Variants in HPCAL1 observed in about 807,000 individuals in gnomAD.
HPCAL1 encodes hippocalcin-like protein 1.
In HPCAL1, 8 loss-of-function variants were observed where a neutral mutation model predicts 17.1. The observed-to-expected ratio is 0.47, with a 90% CI of 0.27 to 0.84. HPCAL1 has a LOEUF of 0.84. Among genes scored for constraint, HPCAL1 ranks in the 40% least tolerant of loss-of-function variants. The pLI is 0.13. For missense variants in HPCAL1, 165 were observed against 271.1 expected (o/e 0.61, Z 2.75); for synonymous variants, 112 against 111.4 (o/e 1.01, Z -0.03).
At chr2:10,422,342 C>T (rs1244008460) in intron 3 of HPCAL1, among the ~76,000 whole-genome samples, 2 of 152,240 alleles carry the variant, frequency 1.3e-5, no homozygotes, top group African/African-American at 4.8e-5. Context: ...CCACGCATGT[C>T]ACTCTGCTCA....
intron 1 of HPCAL1, among the ~76,000 whole-genome samples, chr2:10,326,668 T>C (rs1664036720): frequency 6.6e-6 from 1 of 152,192 alleles, no homozygotes; most frequent in African/African-American, 2.4e-5. Context: ...GCTGAGCCCC[T>C]TGCATGAGGA....
chr2:10,335,710 A>G (rs576182797), intron 1 of HPCAL1, among the ~76,000 whole-genome samples: 4 of 152,198 alleles, frequency 2.6e-5, no homozygotes, highest in Admixed American at 6.5e-5. Flanking sequence ...TTCATCTCCA[A>G]GGCATTTGTG....
At chr2:10,340,069 A>G (rs766777894) in intron 1 of HPCAL1, among the ~76,000 whole-genome samples, 5 of 152,148 alleles carry the variant, frequency 3.3e-5, no homozygotes, top group Non-Finnish European at 7.4e-5. Flanking sequence ...CTTGCTTCTC[A>G]TAGTATGAGC....
intron 1 of HPCAL1, among the ~76,000 whole-genome samples, chr2:10,333,067 C>T (rs1306117573): frequency 6.6e-6 from 1 of 151,830 alleles, no homozygotes; most frequent in African/African-American, 2.4e-5. Flanking sequence ...CCTGCCTGAG[C>T]CCCATGACGC....
chr2:10,370,848 G>A (rs1667160844), intron 1 of HPCAL1, among the ~76,000 whole-genome samples: 2 of 152,204 alleles, frequency 1.3e-5, no homozygotes, highest in Admixed American at 6.5e-5. Context: ...ACCAGGTTTT[G>A]GCTATCCTTC....
chr2:10,312,018 C>T (rs373815112), intron 1 of HPCAL1, among the ~76,000 whole-genome samples: 2 of 151,556 alleles, frequency 1.3e-5, no homozygotes, highest in Non-Finnish European at 2.9e-5. Flanking sequence ...TCACTGTTAT[C>T]GTCACCATTC....
chr2:10,329,904 C>T (rs1254825529), intron 1 of HPCAL1, among the ~76,000 whole-genome samples: 1 of 152,214 alleles, frequency 6.6e-6, no homozygotes, highest in East Asian at 1.9e-4. Context: ...AGCTCCAGGC[C>T]CTGCCTGACT....
At position 10,323,365 on chromosome 2, in the gene HPCAL1, C is replaced by T. The variant is rs371828225; in HGVS notation, c.-111+20188C>T. Among the ~76,000 whole-genome samples, 32 of 152,362 alleles carry T rather than the reference C, an allele frequency of 2.1e-4. No homozygotes were observed. In the South Asian group the frequency reaches 4.8e-3, roughly 23 times the overall value. ...TTCAGGGGGAATGGCGTAAAAAAGCCTTCCTTTCCAGTAGACAGAGTGCCC... is the reference window on the plus strand; with the variant it reads ...TTCAGGGGGAATGGCGTAAAAAAGCTTTCCTTTCCAGTAGACAGAGTGCCC... On this transcript the variant is annotated intron_variant, in intron 1 of 4. Coordinates refer to ENST00000307845, the MANE Select transcript of HPCAL1 (RefSeq NM_002149.4). The surrounding 1 kb of genome is among the most constrained non-coding windows in gnomAD (Gnocchi z 4.6).
At chr2:10,399,208 GCACCACCACCACCACCACCAC>G (rs113515977) in intron 2 of HPCAL1, among the ~76,000 whole-genome samples, 1 of 5,098 alleles carries the variant, frequency 2.0e-4, no homozygotes, top group East Asian at 4.6e-3. Flanking sequence ...TAATATCACT[GCACCACCACCACCACCACCAC>G]CACCACCACC....
intron 2 of HPCAL1, among the ~76,000 whole-genome samples, chr2:10,416,181 A>G (rs62130191): frequency 0.28 from 42,341 of 152,134 alleles, 7,517 homozygotes; most frequent in African/African-American, 0.51. Flanking sequence ...CTTTGCAAAT[A>G]GGTCCTTGCA....
intron 1 of HPCAL1, among the ~76,000 whole-genome samples, chr2:10,390,785 A>C (rs548558472): frequency 6.6e-6 from 1 of 152,136 alleles, no homozygotes. Context: ...CCGGCCTGGG[A>C]CTGGGCCAAG....
At chr2:10,357,850 C>A (rs1410414238) in intron 1 of HPCAL1, among the ~76,000 whole-genome samples, 2 of 144,464 alleles carry the variant, frequency 1.4e-5, no homozygotes, top group Non-Finnish European at 3.0e-5. Flanking sequence ...AAAAAAAAAG[C>A]GTGCTATGCC....
intron 1 of HPCAL1, among the ~76,000 whole-genome samples, chr2:10,392,043 A>G (rs1668729564): frequency 6.7e-6 from 1 of 149,146 alleles, no homozygotes; most frequent in Non-Finnish European, 1.5e-5. Flanking sequence ...CCACTATGCC[A>G]GGCTGTTGTT....
chr2:10,361,260 CAGAGAGAG>C (rs34257751), intron 1 of HPCAL1, among the ~76,000 whole-genome samples: 31 of 146,494 alleles, frequency 2.1e-4, no homozygotes, highest in Non-Finnish European at 3.9e-4. Flanking sequence ...GGGTGGATCC[CAGAGAGAG>C]AGAGAGAGAG....
In HPCAL1 at chr2:10,344,091, C is replaced by G. The variant is rs972278983; in HGVS notation, c.-111+40914C>G. Among the ~76,000 whole-genome samples the G allele has an allele frequency of 1.3e-5, 2 of 152,156 alleles. No individual in the cohort carries two copies. Among genetic ancestry groups the G allele is most frequent in the Admixed American group, 1.3e-4 (2 of 15,278 alleles). ...GAAGACTCCCTTATTAAAAACTAAACAAAACACAACACGAAAAAGCCAGAA... is the reference window on the plus strand; with the variant it reads ...GAAGACTCCCTTATTAAAAACTAAAGAAAACACAACACGAAAAAGCCAGAA... On this transcript the variant is annotated intron_variant, in intron 1 of 4. Coordinates refer to ENST00000307845, the MANE Select transcript of HPCAL1 (RefSeq NM_002149.4). This position sits in a 1 kb window ranked among gnomAD's most constrained non-coding sequence, Gnocchi z 4.9.
intron 1 of HPCAL1, among the ~76,000 whole-genome samples, chr2:10,348,657 C>T (rs1572693281): frequency 6.6e-6 from 1 of 151,166 alleles, no homozygotes; most frequent in African/African-American, 2.4e-5. Flanking sequence ...TGTGCATCTA[C>T]AGTCCCAGCT....
intron 2 of HPCAL1, among the ~76,000 whole-genome samples, chr2:10,409,394 C>G (rs996478643): frequency 1.2e-4 from 19 of 152,188 alleles, no homozygotes; most frequent in Non-Finnish European, 2.6e-4. Flanking sequence ...CACAGCCTCC[C>G]CGCAATCACC....
At chr2:10,401,485 ATG>A (rs1274194212) in intron 2 of HPCAL1, among the ~76,000 whole-genome samples, 1 of 151,904 alleles carries the variant, frequency 6.6e-6, no homozygotes, top group African/African-American at 2.4e-5. Context: ...CTGGGCTAGA[ATG>A]TGTCTGATGG....
At chr2:10,380,867 T>C (rs11691475) in intron 1 of HPCAL1, among the ~76,000 whole-genome samples, 27,403 of 152,218 alleles carry the variant, frequency 0.18, 3,176 homozygotes, top group East Asian at 0.49. Context: ...ACAGGAATCA[T>C]TCTTGTTCTC....
Sources: allele counts gnomAD v4.1 joint callset (sites outside exome capture counted in the v4.1 genomes callset), GRCh38; gene constraint gnomAD v4.1.1; non-coding constraint Gnocchi (gnomAD v3.1); transcripts MANE v1.5; gene names NCBI Gene and HGNC (gene_info 2026-07-23, HGNC 2026-07-21).